The following RXRA variants were observed in gnomAD, a reference collection of about 807,000 sequenced individuals.
RXRA encodes the protein retinoid X receptor alpha.
RXRA carries 5 observed loss-of-function variants against 44.5 expected under a neutral mutation model. That is an observed-to-expected ratio of 0.11 (90% CI 0.06 to 0.24). The LOEUF (loss-of-function observed/expected upper bound fraction) is 0.24. Ranked by LOEUF, RXRA falls within the 10% of genes least tolerant of loss-of-function variation. The probability of loss-of-function intolerance (pLI) is 1.00; values close to 1 mark genes in which losing one functional copy is unlikely to be tolerated. For synonymous variants in RXRA, 291 were observed against 271.4 expected, an observed-to-expected ratio of 1.07 and a Z score of -0.71; for missense variants, 412 against 646.5, an observed-to-expected ratio of 0.64 and a Z score of 3.93.
chr9:134,328,883 A>G (rs1259704838), intron 1 of RXRA, among the ~76,000 whole-genome samples: 1 of 152,134 alleles, frequency 6.6e-6, no homozygotes, highest in Non-Finnish European at 1.5e-5. Flanking sequence ...AGAGGATCCC[A>G]GTCGGTGTCC....
chr9:134,346,475 C>T (rs1271720127), intron 1 of RXRA, among the ~76,000 whole-genome samples: 4 of 152,196 alleles, frequency 2.6e-5, no homozygotes, highest in East Asian at 1.9e-4. Flanking sequence ...TCTGCTTGTT[C>T]CTTCTGAGCA....
chr9:134,424,713 G>C (rs1430937962), intron 6 of RXRA: 2 of 985,352 alleles, frequency 2.0e-6, no homozygotes, highest in Non-Finnish European at 2.4e-6. Flanking sequence ...GCACTGGCCA[G>C]GTGGCTGGAG....
chr9:134,349,512 G>C lies in RXRA; in HGVS notation c.28+22853G>C, dbSNP rs1388726065. The stretch of plus-strand genomic sequence containing the variant: ...GGCAGTGGTGCTGCGGGGGTGGCTC[G>C]GCCCTGAAGCTCGTGGCGGGCAGGA... On this transcript the variant is annotated intron_variant, in intron 1 of 9. Coordinates refer to ENST00000481739, the MANE Select transcript of RXRA (RefSeq NM_002957.6). This position sits in a 1 kb window ranked among gnomAD's most constrained non-coding sequence, Gnocchi z 4.3. Among the ~76,000 whole-genome samples the C allele has an allele frequency of 6.6e-6, 1 of 152,156 alleles. No individual in the cohort carries two copies. Among genetic ancestry groups the C allele is most frequent in the African/African-American group, 2.4e-5 (1 of 41,432 alleles).
At chr9:134,409,239 A>G in intron 4 of RXRA, 120 bp downstream of exon 4, 1 of 1,052,048 alleles carries the variant, frequency 9.5e-7, no homozygotes, top group Non-Finnish European at 1.3e-6. Context: ...GAAGCATGGC[A>G]AGGCCAAGGC....
At chr9:134,380,972 G>A (rs1176324688) in intron 1 of RXRA, among the ~76,000 whole-genome samples, 1 of 152,202 alleles carries the variant, frequency 6.6e-6, no homozygotes, top group Non-Finnish European at 1.5e-5. Flanking sequence ...CACTGTACTG[G>A]GGAAATGTGG....
intron 1 of RXRA, among the ~76,000 whole-genome samples, chr9:134,344,007 C>G (rs74785804): frequency 6.6e-6 from 1 of 152,102 alleles, no homozygotes; most frequent in Non-Finnish European, 1.5e-5. Context: ...CTGAGGTTCC[C>G]GGGGGCCGTG....
chr9:134,337,628 G>C (rs1030652266), intron 1 of RXRA, among the ~76,000 whole-genome samples: 16 of 152,198 alleles, frequency 1.1e-4, no homozygotes, highest in Non-Finnish European at 1.8e-4. Context: ...GCTCACCCTG[G>C]CATGCAGAGA....
Position 134,343,449 on chromosome 9 carries a change from C to T in RXRA, c.28+16790C>T, listed in dbSNP as rs1038553631. On this transcript the variant is annotated intron_variant, in intron 1 of 9. Coordinates refer to ENST00000481739, the MANE Select transcript of RXRA (RefSeq NM_002957.6). This position sits in a 1 kb window ranked among gnomAD's most constrained non-coding sequence, Gnocchi z 4.1. ...CCTGCAGCCCCTGGAATAGGGGGCG[C>T]TCAGTGTAGGGCAAAGGAACGTGAG... 4.6e-5 allele frequency among the ~76,000 whole-genome samples: 7 copies of T among 152,090 alleles called. No individual in the cohort carries two copies. Among genetic ancestry groups the T allele is most frequent in the African/African-American group, 1.7e-4 (7 of 41,390 alleles).
chr9:134,329,338 G>C (rs573078541), intron 1 of RXRA, among the ~76,000 whole-genome samples: 1 of 152,382 alleles, frequency 6.6e-6, no homozygotes, highest in South Asian at 2.1e-4. Context: ...CGGGCCTGAC[G>C]AGGGCGTCTT....
At chr9:134,424,441 C>G in intron 6 of RXRA, 1 of 985,464 alleles carries the variant, frequency 1.0e-6, no homozygotes. Flanking sequence ...TGACCTGTCT[C>G]CAGTGGGCCC....
Position 134,433,354 on chromosome 9 carries a change from G to A in RXRA, c.1136-748G>A, listed in dbSNP as rs1831563131. Among the ~76,000 whole-genome samples the A allele has an allele frequency of 6.6e-6, 1 of 152,046 alleles. No homozygotes were observed. Among genetic ancestry groups the A allele is most frequent in the Non-Finnish European group, 1.5e-5 (1 of 67,984 alleles). On this transcript the variant is annotated intron_variant, in intron 8 of 9. Transcript: ENST00000481739. This position sits in a 1 kb window ranked among gnomAD's most constrained non-coding sequence, Gnocchi z 4.2. Reference sequence around the variant, plus strand: ...GGGAGGGTGAGATTGTCTGGCACAAGCAGGGTCCAGGCACAGGCTTGCAGG... The same window carrying A: ...GGGAGGGTGAGATTGTCTGGCACAAACAGGGTCCAGGCACAGGCTTGCAGG...
In RXRA at chr9:134,434,023, A is replaced by C. The variant is rs540248051; in HGVS notation, c.1136-79A>C. 20 of 1,088,384 alleles carry C rather than the reference A, an allele frequency of 1.8e-5. No homozygotes were observed. In the African/African-American group the frequency reaches 2.9e-4, roughly 16 times the overall value. The allele number at this position is 1,088,384 out of a possible 1,614,324, so 67.4% of individuals were successfully genotyped here. On this transcript the variant is annotated intron_variant, in intron 8 of 9. Transcript: ENST00000481739. ...ATGGTGGGGCAGCCTGGGAGACCCC[A>C]CACAAGCCTGGGTCCTGGGGGCAGG...
intron 1 of RXRA, among the ~76,000 whole-genome samples, chr9:134,357,031 G>T (rs1232023101): frequency 6.6e-6 from 1 of 152,228 alleles, no homozygotes. Flanking sequence ...AGGCGTGAAG[G>T]CATAGCCAGG....
At chr9:134,347,568 C>A (rs782521814) in intron 1 of RXRA, among the ~76,000 whole-genome samples, 1 of 152,156 alleles carries the variant, frequency 6.6e-6, no homozygotes, top group Non-Finnish European at 1.5e-5. Context: ...TGGGGGAGGA[C>A]GGCCAGGGGC....
chr9:134,424,947 G>T, intron 6 of RXRA: 1 of 985,472 alleles, frequency 1.0e-6, no homozygotes, highest in Non-Finnish European at 1.2e-6. Flanking sequence ...TTATGTCCCT[G>T]TGCTAGGCCC....
Position 134,401,691 on chromosome 9 carries a change from G to C in RXRA, c.88G>C (p.Ala30Pro). The C allele has an allele frequency of 6.2e-7, 1 of 1,613,082 alleles. No homozygotes were observed. Among genetic ancestry groups the C allele is most frequent in the Non-Finnish European group, 8.5e-7 (1 of 1,179,970 alleles). ...TSPTGRGSMA[A>P]PSLHPSLGPG... ...CCCGACGGGGCGAGGCTCCATGGCT[G>C]CCCCCTCGCTGCACCCGTCCCTGGG... is the stretch of plus-strand genomic sequence containing the variant. The change falls in exon 2 of 10, where the codon GCC (alanine) becomes CCC (proline). Residue 30 changes from alanine (A) to proline (P), a missense_variant. Around this residue, in one of 4 missense-constraint regions of RXRA, gnomAD observed 156 missense variants for 177.2 expected, o/e 0.88. Coordinates refer to ENST00000481739, the MANE Select transcript of RXRA (RefSeq NM_002957.6).
At chr9:134,403,732 C>T (rs1276391044) in intron 2 of RXRA, 1 of 152,836 alleles carries the variant, frequency 6.5e-6, no homozygotes, top group Non-Finnish European at 1.5e-5. Flanking sequence ...CTGGGCCATT[C>T]TCTGTTGCTT....
chr9:134,347,658 C>G (rs1055417932), intron 1 of RXRA, among the ~76,000 whole-genome samples: 1 of 152,136 alleles, frequency 6.6e-6, no homozygotes, highest in Admixed American at 6.5e-5. Context: ...GGGGATGCTG[C>G]GGGTGGGCTT....
chr9:134,360,592 C>T (rs1434025872), intron 1 of RXRA, among the ~76,000 whole-genome samples: 7 of 152,268 alleles, frequency 4.6e-5, no homozygotes, highest in Non-Finnish European at 5.9e-5. Flanking sequence ...TTACCTGCCG[C>T]TTGCTGGTCT....
Sources: gnomAD v4.1 joint callset for allele counts (sites outside exome capture counted in the v4.1 genomes callset) on GRCh38, gnomAD v4.1.1 for gene constraint, gnomAD v4.1.1 regional missense constraint, Gnocchi (gnomAD v3.1) non-coding constraint, MANE v1.5 for transcripts, NCBI Gene and HGNC (gene_info 2026-07-23, HGNC 2026-07-21) for gene names.